The following STX17 variants were observed in gnomAD, a reference collection of about 807,000 sequenced individuals.
STX17 encodes the protein syntaxin-17.
A neutral mutation model predicts 35.9 loss-of-function variants in STX17; 29 were observed. The observed-to-expected ratio is 0.81, with a 90% CI of 0.60 to 1.10. STX17 has a LOEUF of 1.10. Ranked by LOEUF, STX17 falls within the 50% of genes least tolerant of loss-of-function variation. STX17 has a pLI of 0.00. For missense variants in STX17, 312 were observed against 352.3 expected (o/e 0.89, Z 0.92); for synonymous variants, 92 against 118.3 (o/e 0.78, Z 1.44).
At chr9:99,941,098 T>C (rs1351596732) in intron 3 of STX17, among the ~76,000 whole-genome samples, 2 of 152,258 alleles carry the variant, frequency 1.3e-5, no homozygotes, top group Non-Finnish European at 2.9e-5. Flanking sequence ...GACTACACTT[T>C]TCTAGGGAAG....
In STX17 at chr9:99,970,881, C is replaced by G. The variant is rs984099028; in HGVS notation, c.*2208C>G. On this transcript the variant is annotated 3_prime_UTR_variant, in exon 8 of 8. Coordinates refer to ENST00000259400, the MANE Select transcript of STX17 (RefSeq NM_017919.3). ...TGAAGCTCACACTTGGTATTGGTATCTCTCATTTTTACTGAGCCAGTGTGG... is the reference window on the plus strand; with the variant it reads ...TGAAGCTCACACTTGGTATTGGTATGTCTCATTTTTACTGAGCCAGTGTGG... Among the ~76,000 whole-genome samples, 1 of 152,164 alleles carries G rather than the reference C, an allele frequency of 6.6e-6. No individual in the cohort carries two copies. The highest frequency in any genetic ancestry group is 1.5e-5 in the Non-Finnish European group (1 of 68,040).
intron 6 of STX17, among the ~76,000 whole-genome samples, chr9:99,961,072 C>G (rs989113093): frequency 1.3e-5 from 2 of 152,040 alleles, no homozygotes; most frequent in Admixed American, 6.6e-5. Context: ...GCAGTATAAC[C>G]AAAGCATAAG....
intron 4 of STX17, among the ~76,000 whole-genome samples, chr9:99,952,136 C>T (rs1309315600): frequency 6.6e-6 from 1 of 151,942 alleles, no homozygotes; most frequent in Middle Eastern, 3.2e-3. Context: ...TCTAAGCTAC[C>T]TTTAATCCTT....
chr9:99,921,255 T>A (rs1828879451), intron 2 of STX17, among the ~76,000 whole-genome samples: 1 of 152,230 alleles, frequency 6.6e-6, no homozygotes. Flanking sequence ...TACATCATTT[T>A]AGAAGCCACT....
intron 3 of STX17, among the ~76,000 whole-genome samples, chr9:99,948,273 G>T (rs10217366): frequency 0.69 from 104,687 of 151,908 alleles, 36,341 homozygotes; most frequent in African/African-American, 0.72. Flanking sequence ...ATAAAACAAT[G>T]TAAAAGATTT....
chr9:99,974,073 A>AT lies in STX17; in HGVS notation c.*5407dup, dbSNP rs1467576026. Among the ~76,000 whole-genome samples the AT allele has an allele frequency of 6.6e-6, 1 of 152,076 alleles. No homozygotes were observed. The highest frequency in any genetic ancestry group is 1.5e-5 in the Non-Finnish European group (1 of 68,002). On this transcript the variant is annotated 3_prime_UTR_variant, in exon 8 of 8. Transcript: ENST00000259400. ...CTAAAACTTGTATCCTGAAGAAAAT[A>AT]TTTTTTTCCACCAGAAGAAATTGCT...
intron 2 of STX17, among the ~76,000 whole-genome samples, chr9:99,926,084 T>C (rs892524154): frequency 6.6e-6 from 1 of 152,078 alleles, no homozygotes; most frequent in Non-Finnish European, 1.5e-5. Flanking sequence ...TAATCTTTTC[T>C]TCTGCATTGT....
intron 3 of STX17, among the ~76,000 whole-genome samples, chr9:99,930,823 T>C (rs931596573): frequency 6.6e-6 from 1 of 152,218 alleles, no homozygotes; most frequent in African/African-American, 2.4e-5. Flanking sequence ...TTCTAAAAAA[T>C]GCCTTTATTC....
At chr9:99,955,013 T>A (rs985461240) in intron 4 of STX17, among the ~76,000 whole-genome samples, 6 of 152,050 alleles carry the variant, frequency 3.9e-5, no homozygotes, top group African/African-American at 1.2e-4. Flanking sequence ...CACTTGTGTG[T>A]CTGGTTTCAT....
At chr9:99,967,465 C>CT in intron 6 of STX17, 188 bp from the exon 7 acceptor site, 2 of 232,278 alleles carry the variant, frequency 8.6e-6, no homozygotes, top group Non-Finnish European at 7.3e-6. Context: ...ATAATTAAGA[C>CT]CCCCCCCTTT....
At chr9:99,927,311 C>T (rs1319317369) in intron 2 of STX17, among the ~76,000 whole-genome samples, 2 of 152,144 alleles carry the variant, frequency 1.3e-5, no homozygotes, top group Non-Finnish European at 2.9e-5. Flanking sequence ...CTTCCTTTCT[C>T]AAACTTTTAT....
At chr9:99,944,613 CAA>C (rs1468049340) in intron 3 of STX17, among the ~76,000 whole-genome samples, 1 of 151,466 alleles carries the variant, frequency 6.6e-6, no homozygotes, top group Non-Finnish European at 1.5e-5. Flanking sequence ...CTCTTGGGTT[CAA>C]AAGATTCTCC....
chr9:99,932,311 A>C (rs910614776), intron 3 of STX17, among the ~76,000 whole-genome samples: 3 of 152,166 alleles, frequency 2.0e-5, no homozygotes, highest in Non-Finnish European at 4.4e-5. Flanking sequence ...GGTCCAAGAA[A>C]AAGATGTTAG....
chr9:99,941,767 A>G (rs1223255737), intron 3 of STX17, among the ~76,000 whole-genome samples: 1 of 152,200 alleles, frequency 6.6e-6, no homozygotes, highest in Non-Finnish European at 1.5e-5. Context: ...ATTGAATTAA[A>G]CAAGATATCT....
chr9:99,915,454 G>A (rs1215912021), intron 2 of STX17, 92 bp downstream of exon 2: 3 of 1,448,670 alleles, frequency 2.1e-6, no homozygotes, highest in African/African-American at 2.9e-5. Flanking sequence ...TATTAGATAA[G>A]AGGCATTGCT....
chr9:99,954,294 A>G (rs368629141), intron 4 of STX17, among the ~76,000 whole-genome samples: 2 of 152,136 alleles, frequency 1.3e-5, no homozygotes, highest in Admixed American at 6.6e-5. Flanking sequence ...TAGAATTTCA[A>G]ATTCAATAGT....
chr9:99,930,356 C>T (rs1435807868), intron 3 of STX17, among the ~76,000 whole-genome samples: 1 of 151,938 alleles, frequency 6.6e-6, no homozygotes, highest in East Asian at 1.9e-4. Context: ...CAAGCTCCTC[C>T]TCCTGGGTTC....
intron 3 of STX17, among the ~76,000 whole-genome samples, chr9:99,944,347 A>G (rs894106329): frequency 6.6e-6 from 1 of 151,382 alleles, no homozygotes. Context: ...CTTTTTTTGC[A>G]ATTGTTTTTA....
intron 1 of STX17, among the ~76,000 whole-genome samples, chr9:99,913,436 A>G (rs942777544): frequency 6.6e-6 from 1 of 151,964 alleles, no homozygotes; most frequent in African/African-American, 2.4e-5. Flanking sequence ...TATATAATTT[A>G]CTGTTTAACA....
Sources: allele counts gnomAD v4.1 joint callset (sites outside exome capture counted in the v4.1 genomes callset), GRCh38; gene constraint gnomAD v4.1.1; transcripts MANE v1.5; gene names NCBI Gene and HGNC (gene_info 2026-07-23, HGNC 2026-07-21).